ZIC5: variants seen among roughly 807,000 people sequenced by gnomAD.
ZIC5 encodes the protein Zic family zinc finger 5, also known as zinc finger protein ZIC 5.
A neutral mutation model predicts 28.5 loss-of-function variants in ZIC5; 20 were observed. That is an observed-to-expected ratio of 0.70 (90% confidence interval 0.49 to 1.02). ZIC5 has a LOEUF of 1.02. ZIC5 is among the 50% of genes least tolerant of loss of function. The probability of loss-of-function intolerance (pLI) is 0.00; values close to 1 mark genes in which losing one functional copy is unlikely to be tolerated. For synonymous variants in ZIC5, 488 were observed against 410.4 expected, an observed-to-expected ratio of 1.19 and a Z score of -2.29; for missense variants, 951 against 899.7, an observed-to-expected ratio of 1.06 and a Z score of -0.73.
chr13:99,966,314 C>T (rs2053099893), intron 1 of ZIC5, among the ~76,000 whole-genome samples: 1 of 152,104 alleles, frequency 6.6e-6, no homozygotes, highest in African/African-American at 2.4e-5. Context: ...CTGGGGGGTA[C>T]AGTCAAATTA....
Position 99,971,184 on chromosome 13 carries a change from AG to A in ZIC5, c.419del (p.Pro140LeufsTer167). The part of the protein sequence containing the change: ...APPLPPTPSP[P>X]PPPPPPPPPA... ...GAGGAGGAGGAGGCGGGGGAGGGGG[AG>A]GGGGTGAAGGGGTGGGAGGAAGAGG... On this transcript the variant is annotated frameshift_variant, in exon 1 of 2. Transcript: ENST00000267294. LOFTEE classifies it high-confidence loss of function. 2.7e-5 allele frequency: 2 copies of A among 74,920 alleles called. No homozygotes were observed. The highest frequency in any genetic ancestry group is 3.8e-5 in the Non-Finnish European group (2 of 53,190). The allele number at this position is 74,920 out of a possible 1,614,324, so 4.6% of individuals were successfully genotyped here.
Position 99,971,443 on chromosome 13 carries a change from C to T in ZIC5, c.161G>A (p.Arg54Gln), listed in dbSNP as rs761861313. ...CACGCCGGGGTCAGCGCCCAGGTCC[C>T]GCAGGCGGAGGTGCGCGACGGCGGC... ...LRAAVAHLRL[R>Q]DLGADPGVAT... Residue 54 changes from arginine to glutamine, a missense_variant, in exon 1 of 2, where the codon CGG becomes CAG. By Grantham distance (43) the Arg-to-Gln change is conservative. Transcript: ENST00000267294. 5 of 1,545,274 alleles carry T rather than the reference C, an allele frequency of 3.2e-6. No individual in the cohort carries two copies. The Admixed American group carries it at 7.9e-5, about 24-fold the overall frequency.
chr13:99,970,115 A>G lies in ZIC5; in HGVS notation c.1477+12T>C. On this transcript the variant is annotated intron_variant, in intron 1 of 1. Transcript: ENST00000267294. ...GGCGGCGGCGGCGGCGCGGCCGGGGACAGACACCCACCTGTATGAGTACGC... is the reference window on the plus strand; with the variant it reads ...GGCGGCGGCGGCGGCGCGGCCGGGGGCAGACACCCACCTGTATGAGTACGC... The G allele has an allele frequency of 6.3e-7, 1 of 1,586,364 alleles. No individual in the cohort carries two copies. Among genetic ancestry groups the G allele is most frequent in the African/African-American group, 1.5e-5 (1 of 67,330 alleles).
At chr13:99,968,330 G>T (rs2053116481) in intron 1 of ZIC5, among the ~76,000 whole-genome samples, 1 of 152,156 alleles carries the variant, frequency 6.6e-6, no homozygotes, top group Admixed American at 6.5e-5. Flanking sequence ...ACCGGGTGGG[G>T]CCCACGCGGC....
chr13:99,967,084 T>C (rs1594282299), intron 1 of ZIC5, among the ~76,000 whole-genome samples: 1 of 152,278 alleles, frequency 6.6e-6, no homozygotes, highest in African/African-American at 2.4e-5. Flanking sequence ...TTGTTTTGGA[T>C]AACTTGTTTT....
At chr13:99,968,806 G>A (rs1252134988) in intron 1 of ZIC5, among the ~76,000 whole-genome samples, 1 of 152,264 alleles carries the variant, frequency 6.6e-6, no homozygotes, top group East Asian at 1.9e-4. Context: ...ATCCCGATTA[G>A]AGAGAAAAGG....
rs771191184 is a variant in ZIC5, at chr13:99,970,227, G to A, written c.1377C>T (p.Arg459=). 1 of 1,613,704 alleles carries A rather than the reference G, an allele frequency of 6.2e-7. No homozygotes were observed. Among genetic ancestry groups the A allele is most frequent in the Non-Finnish European group, 8.5e-7 (1 of 1,179,882 alleles). The change falls in exon 1 of 2, where the codon CGC becomes CGT. Residue 459 remains arginine (R), a synonymous_variant. Coordinates refer to ENST00000267294, the MANE Select transcript of ZIC5 (RefSeq NM_033132.5). ...GAAAGGGCTTCTCGCCGGTGTGCAC[G>A]CGGATGTGGTTGATGAGCTTGTATT... ...KAKYKLINHI[R]VHTGEKPFPC... is the part of the protein sequence containing the mutation.
chr13:99,970,040 G>A (rs983253114), intron 1 of ZIC5, 87 bp downstream of exon 1: 2 of 1,554,946 alleles, frequency 1.3e-6, no homozygotes, highest in African/African-American at 1.4e-5. Flanking sequence ...AAGGCGAGCA[G>A]GAGGAGGAGG....
In ZIC5 at chr13:99,970,703, GC is replaced by G; in HGVS notation, c.900del (p.His301ThrfsTer6). Reference sequence around the variant, plus strand: ...TTTAAGTTCACGGCTCCGTAGCCGTGCAGGGCGGCCGCCGCTGCGGCCGCAA... The same window carrying G: ...TTTAAGTTCACGGCTCCGTAGCCGTGAGGGCGGCCGCCGCTGCGGCCGCAA... ...GAVAAAAAAA[L>X]HGYGAVNLNL... is the part of the protein sequence containing the mutation. On this transcript the variant is annotated frameshift_variant, in exon 1 of 2. Coordinates refer to ENST00000267294, the MANE Select transcript of ZIC5 (RefSeq NM_033132.5). LOFTEE classifies it high-confidence loss of function. 1 of 1,187,558 alleles carries G rather than the reference GC, an allele frequency of 8.4e-7. No individual in the cohort carries two copies. Among genetic ancestry groups the G allele is most frequent in the South Asian group, 2.2e-5 (1 of 45,904 alleles). The allele number at this position is 1,187,558 out of a possible 1,614,324, so 73.6% of individuals were successfully genotyped here.
chr13:99,965,798 T>G lies in ZIC5; in HGVS notation c.1499A>C (p.Glu500Ala). 1 of 1,613,270 alleles carries G rather than the reference T, an allele frequency of 6.2e-7. No individual in the cohort carries two copies. Among genetic ancestry groups the G allele is most frequent in the Non-Finnish European group, 8.5e-7 (1 of 1,179,432 alleles). Reference sequence around the variant, plus strand: ...AAACTTCCTGTCACAGCCATCAAATTCACATTTGAAAGGCTTTTCCCCTGC... The same window carrying G: ...AAACTTCCTGTCACAGCCATCAAATGCACATTTGAAAGGCTTTTCCCCTGC... ...THTGEKPFKCEFDGCDRKFAN... is the reference protein window; with the variant it reads ...THTGEKPFKCAFDGCDRKFAN... Residue 500 changes from glutamate (E) to alanine (A), a missense_variant, in exon 2 of 2, where the codon GAA (glutamate) becomes GCA (alanine). By Grantham distance (107) the Glu-to-Ala change is moderately radical. Coordinates refer to ENST00000267294, the MANE Select transcript of ZIC5 (RefSeq NM_033132.5).
At chr13:99,970,066 A>AGCGGCGGCGGCGCAGGAGCTGGTG (rs2053135798) in intron 1 of ZIC5, 61 bp downstream of exon 1, 17 of 1,594,470 alleles carry the variant, frequency 1.1e-5, no homozygotes, top group Admixed American at 3.5e-5. Context: ...CAGCGGCGGA[A>AGCGGCGGCGGCGCAGGAGCTGGTG]GCGGCGGCGG....
Position 99,971,232 on chromosome 13 carries a change from G to C in ZIC5, c.372C>G (p.Ser124=), listed in dbSNP as rs1319407505. 1 of 1,310,972 alleles carries C rather than the reference G, an allele frequency of 7.6e-7. No homozygotes were observed. The highest frequency in any genetic ancestry group is 3.1e-5 in the East Asian group (1 of 31,922). 81.2% of individuals were successfully genotyped at this position (1,310,972 alleles called of 1,614,324 possible). ...GAGGAGGGGCTGGGGGCGGGGGCGC[G>C]GAGGGCTGCGCGCCACTGCTGCCCC... is the stretch of plus-strand genomic sequence containing the variant. ...CGGGSSGAQP[S]APPPPAPPLP... The change falls in exon 1 of 2, where the codon TCC becomes TCG. Residue 124 remains serine, a synonymous_variant. Coordinates refer to ENST00000267294, the MANE Select transcript of ZIC5 (RefSeq NM_033132.5).
At chr13:99,971,869 TG>T (rs1366124116), upstream of ZIC5, 6 of 691,360 alleles carry the variant, frequency 8.7e-6, no homozygotes, top group African/African-American at 9.1e-5. Flanking sequence ...GCTGCTCGAT[TG>T]GCTCCCGTTC....
intron 1 of ZIC5, among the ~76,000 whole-genome samples, chr13:99,969,659 G>A (rs1265565776): frequency 6.6e-6 from 1 of 152,114 alleles, no homozygotes; most frequent in African/African-American, 2.4e-5. Flanking sequence ...CGCGGAGACT[G>A]CGCGGGGCCT....
intron 1 of ZIC5, 59 bp downstream of exon 1, chr13:99,970,068 C>A (rs914827369): frequency 1.1e-5 from 18 of 1,596,304 alleles, no homozygotes; most frequent in Non-Finnish European, 1.4e-5. Context: ...GCGGCGGAAG[C>A]GGCGGCGGCG....
intron 1 of ZIC5, among the ~76,000 whole-genome samples, chr13:99,966,402 G>C (rs1156942359): frequency 1.3e-5 from 2 of 152,150 alleles, no homozygotes; most frequent in Non-Finnish European, 2.9e-5. Context: ...GTGGAGATGG[G>C]AAAGGGAAAG....
chr13:99,971,485 G>A lies in ZIC5; in HGVS notation c.119C>T (p.Ala40Val). The A allele has an allele frequency of 6.5e-7, 1 of 1,550,376 alleles. No individual in the cohort carries two copies. Among genetic ancestry groups the A allele is most frequent in the Non-Finnish European group, 8.7e-7 (1 of 1,146,882 alleles). The change falls in exon 1 of 2, where the codon GCC becomes GTC. Residue 40 changes from alanine to valine, a missense_variant. Around this residue, in one of 3 missense-constraint regions of ZIC5, gnomAD observed 784 missense variants for 660.1 expected, o/e 1.19. Coordinates refer to ENST00000267294, the MANE Select transcript of ZIC5 (RefSeq NM_033132.5). ...TGFPALAGPP[A>V]HSQLRAAVAH... is the part of the protein sequence containing the mutation. ...GACGGCGGCCCGGAGTTGGGAGTGGGCGGGCGGGCCGGCCAGCGCCGGGAA... is the reference window on the plus strand; with the variant it reads ...GACGGCGGCCCGGAGTTGGGAGTGGACGGGCGGGCCGGCCAGCGCCGGGAA...
At position 99,971,523 on chromosome 13, in the gene ZIC5, C is replaced by G; in HGVS notation, c.81G>C (p.Gln27His). The G allele has an allele frequency of 1.3e-6, 2 of 1,551,960 alleles. No homozygotes were observed. Among genetic ancestry groups the G allele is most frequent in the Non-Finnish European group, 1.7e-6 (2 of 1,147,166 alleles). The change falls in exon 1 of 2, where the codon CAG (glutamine) becomes CAC (histidine). Residue 27 changes from glutamine to histidine, a missense_variant. Gln to His is a conservative substitution (Grantham distance 24). This residue lies in a region of ZIC5 where 784 missense variants were observed against 660.1 expected (regional missense o/e 1.19). Transcript: ENST00000267294. ...CCAGCGCCGGGAAGCCTGTCATATT[C>G]TGAAGCGGCTGGACCTGAGCCGTTG... ...DLATAQVQPLQNMTGFPALAG... is the reference protein window; with the variant it reads ...DLATAQVQPLHNMTGFPALAG...
chr13:99,970,451 G>C lies in ZIC5; in HGVS notation c.1153C>G (p.Leu385Val), dbSNP rs868562024. 1 of 1,060,154 alleles carries C rather than the reference G, an allele frequency of 9.4e-7. No homozygotes were observed. Among genetic ancestry groups the C allele is most frequent in the South Asian group, 3.3e-5 (1 of 30,082 alleles). The allele number at this position is 1,060,154 out of a possible 1,614,324, so 65.7% of individuals were successfully genotyped here. A position where few individuals can be genotyped will look rare whatever the true frequency, so the allele number is the denominator to read the frequency against. The change falls in exon 1 of 2, where the codon CTG becomes GTG. Residue 385 changes from leucine (L) to valine (V), a missense_variant. This residue lies in a region of ZIC5 where 784 missense variants were observed against 660.1 expected (regional missense o/e 1.19). Transcript: ENST00000267294. ...GGCGGCGGCGGCGGCGGCGGCGGCAGCCCGGCCAGCTCGTCGGGGTCGATC... is the reference window on the plus strand; with the variant it reads ...GGCGGCGGCGGCGGCGGCGGCGGCACCCCGGCCAGCTCGTCGGGGTCGATC... The part of the protein sequence containing the change: ...KWIDPDELAG[L>V]PPPPPPPPPP...
Sources: allele counts gnomAD v4.1 joint callset (sites outside exome capture counted in the v4.1 genomes callset), GRCh38; gene constraint gnomAD v4.1.1; regional missense constraint gnomAD v4.1.1; transcripts MANE v1.5; gene names NCBI Gene and HGNC (gene_info 2026-07-23, HGNC 2026-07-21).